The following BMPER variants were observed in gnomAD, a reference collection of about 807,000 sequenced individuals.
BMPER encodes the protein BMP-binding endothelial regulator protein.
Under a neutral mutation model 87.3 loss-of-function variants are expected in BMPER, and 45 were observed. The ratio of observed to expected loss-of-function variants is 0.52; its 90% confidence interval spans 0.41 to 0.66. The LOEUF (loss-of-function observed/expected upper bound fraction) is 0.66, where lower values mean the gene tolerates loss of function less well. Ranked by LOEUF, BMPER falls within the 30% of genes least tolerant of loss-of-function variation. The pLI, the probability that BMPER is intolerant of heterozygous loss-of-function variation, is 0.00. For missense variants in BMPER, 784 were observed against 867.5 expected (o/e 0.90, Z 1.21); for synonymous variants, 326 against 316.2 (o/e 1.03, Z -0.33).
chr7:34,027,858 TA>T (rs1787399439), intron 6 of BMPER, among the ~76,000 whole-genome samples: 1 of 152,076 alleles, frequency 6.6e-6, no homozygotes, highest in East Asian at 1.9e-4. Flanking sequence ...GAGATGCTAT[TA>T]AAAATGATTT....
chr7:33,997,006 G>A (rs9986855), intron 6 of BMPER, among the ~76,000 whole-genome samples: 136,384 of 152,140 alleles, frequency 0.9, 61,375 homozygotes, highest in African/African-American at 0.98. Flanking sequence ...ACCTATCTTG[G>A]GGGATAAGGA....
intron 13 of BMPER, among the ~76,000 whole-genome samples, chr7:34,095,298 T>G (rs149715852): frequency 6.6e-6 from 1 of 152,202 alleles, no homozygotes; most frequent in Non-Finnish European, 1.5e-5. Context: ...AAGAAATACA[T>G]GACAAATTTT....
At position 33,911,099 on chromosome 7, in the gene BMPER, G is replaced by C. The variant is rs1585626940; in HGVS notation, c.219+4196G>C. Among the ~76,000 whole-genome samples the C allele has an allele frequency of 2.6e-5, 4 of 152,304 alleles. No individual in the cohort carries two copies. The Middle Eastern group carries it at 0.014, about 518-fold the overall frequency. ...ACATAGATTGCCTTGCTTTTTCCAA[G>C]TTGTTTCAGGTCATTTCTAGACTTT... On this transcript the variant is annotated intron_variant, in intron 2 of 14. Coordinates refer to ENST00000649409, the MANE Select transcript of BMPER (RefSeq NM_001365308.1).
At chr7:34,053,507 C>G (rs1788198507) in intron 8 of BMPER, among the ~76,000 whole-genome samples, 1 of 152,122 alleles carries the variant, frequency 6.6e-6, no homozygotes, top group African/African-American at 2.4e-5. Context: ...AACTAATAGC[C>G]TACTGTTGAC....
intron 13 of BMPER, among the ~76,000 whole-genome samples, chr7:34,088,401 T>G (rs1789280832): frequency 6.6e-6 from 1 of 152,182 alleles, no homozygotes; most frequent in South Asian, 2.1e-4. Flanking sequence ...TTTCTCCCCC[T>G]TATTTCCAAG....
intron 2 of BMPER, among the ~76,000 whole-genome samples, chr7:33,920,137 A>G (rs1457968063): frequency 6.6e-6 from 1 of 152,156 alleles, no homozygotes; most frequent in African/African-American, 2.4e-5. Flanking sequence ...TGCCCGATCT[A>G]TCCCCTTCCC....
intron 2 of BMPER, among the ~76,000 whole-genome samples, chr7:33,935,596 GAGAGAGAGAGAGAGAGAAGGAGAA>G (rs1784584184): frequency 6.8e-6 from 1 of 147,082 alleles, no homozygotes; most frequent in Middle Eastern, 3.4e-3. Context: ...GAAAGAGACA[GAGAGAGAGAGAGAGAGAAGGAGAA>G]AGAGAGAGAG....
At chr7:33,906,951 A>G in intron 2 of BMPER, 48 bp downstream of exon 2, 4 of 1,481,830 alleles carry the variant, frequency 2.7e-6, no homozygotes, top group Non-Finnish European at 3.8e-6. Context: ...CTCTCTGATA[A>G]GGTGAATCCA....
rs114158699 is a variant in BMPER, at chr7:33,970,482, T to C, written c.493+63T>C. 1,637 of 1,511,340 alleles carry C rather than the reference T, an allele frequency of 1.1e-3. 13 individuals are homozygous for C. In the African/African-American group the frequency reaches 0.02, roughly 19 times the overall value. 93.6% of individuals were successfully genotyped at this position (1,511,340 alleles called of 1,614,324 possible). A position where few individuals can be genotyped will look rare whatever the true frequency, so the allele number is the denominator to read the frequency against. Reference sequence around the variant, plus strand: ...GTGTTCTTTCAGGAATGCATGAATCTCCCAACCCCTCTTGTTGGAAATTTT... The same window carrying C: ...GTGTTCTTTCAGGAATGCATGAATCCCCCAACCCCTCTTGTTGGAAATTTT... On this transcript the variant is annotated intron_variant, in intron 5 of 14. Coordinates refer to ENST00000649409, the MANE Select transcript of BMPER (RefSeq NM_001365308.1).
In BMPER at chr7:34,056,981, AC is replaced by A. The variant is rs1345008824; in HGVS notation, c.928-1077del. Among the ~76,000 whole-genome samples, 3 of 152,148 alleles carry A rather than the reference AC, an allele frequency of 2.0e-5. No individual in the cohort carries two copies. In the East Asian group the frequency reaches 5.8e-4, roughly 29 times the overall value. ...AAATGACTGAGGCTTAAAATAATTC[AC>A]GGAGACTTGGATTCCTAGAAATGTG... On this transcript the variant is annotated intron_variant, in intron 9 of 14. Coordinates refer to ENST00000649409, the MANE Select transcript of BMPER (RefSeq NM_001365308.1).
chr7:34,039,599 C>CAA (rs1787776348), intron 6 of BMPER, among the ~76,000 whole-genome samples: 1 of 117,072 alleles, frequency 8.5e-6, no homozygotes, highest in Non-Finnish European at 1.8e-5. Context: ...GTAAGACACA[C>CAA]AAATACACAC....
rs1253445177 is a variant in BMPER at position 34,156,187 on chromosome 7, G to A, written c.*2914G>A. On this transcript the variant is annotated 3_prime_UTR_variant, in exon 15 of 15. Coordinates refer to ENST00000649409, the MANE Select transcript of BMPER (RefSeq NM_001365308.1). ...TAAGAGGGCATCTTTCAATAAGAACGAGAAAGACCCAGGAGGTTGACTAGC... is the reference window on the plus strand; with the variant it reads ...TAAGAGGGCATCTTTCAATAAGAACAAGAAAGACCCAGGAGGTTGACTAGC... Among the ~76,000 whole-genome samples the A allele has an allele frequency of 1.3e-5, 2 of 152,156 alleles. No homozygotes were observed. Among genetic ancestry groups the A allele is most frequent in the African/African-American group, 4.8e-5 (2 of 41,440 alleles).
At chr7:34,026,063 G>A (rs977627873) in intron 6 of BMPER, among the ~76,000 whole-genome samples, 7 of 152,010 alleles carry the variant, frequency 4.6e-5, no homozygotes, top group African/African-American at 7.2e-5. Flanking sequence ...TGGGTTCAAC[G>A]TTAGAATAGT....
At chr7:33,926,962 G>C (rs1784375628) in intron 2 of BMPER, among the ~76,000 whole-genome samples, 1 of 152,238 alleles carries the variant, frequency 6.6e-6, no homozygotes. Flanking sequence ...TACCCAGAGG[G>C]AGGACTGCAG....
intron 13 of BMPER, among the ~76,000 whole-genome samples, chr7:34,090,963 A>G (rs10277432): frequency 6.6e-6 from 1 of 152,010 alleles, no homozygotes; most frequent in Non-Finnish European, 1.5e-5. Flanking sequence ...CATGCAGTGG[A>G]TTTTACAGCT....
intron 6 of BMPER, among the ~76,000 whole-genome samples, chr7:34,028,303 TAC>T (rs1307122255): frequency 1.3e-5 from 2 of 152,018 alleles, no homozygotes; most frequent in African/African-American, 4.8e-5. Flanking sequence ...TTTTGGAAAA[TAC>T]AGTTATTTTT....
intron 2 of BMPER, chr7:33,921,708 G>A (rs1562631307): frequency 2.1e-6 from 1 of 470,860 alleles, no homozygotes; most frequent in African/African-American, 2.0e-5. Context: ...TCTGTTTCCT[G>A]TGGTCTTTCT....
chr7:34,146,285 G>T (rs1791017186), intron 14 of BMPER, among the ~76,000 whole-genome samples: 1 of 152,122 alleles, frequency 6.6e-6, no homozygotes, highest in Non-Finnish European at 1.5e-5. Context: ...AGAGCAAAAA[G>T]TCTGGAAGTT....
At chr7:34,135,366 C>T (rs546662286) in intron 13 of BMPER, among the ~76,000 whole-genome samples, 1 of 152,194 alleles carries the variant, frequency 6.6e-6, no homozygotes, top group East Asian at 1.9e-4. Context: ...ACTGAAGAGT[C>T]CTTATGAGCA....
Sources: gnomAD v4.1 joint callset for allele counts (sites outside exome capture counted in the v4.1 genomes callset) on GRCh38, gnomAD v4.1.1 for gene constraint, MANE v1.5 for transcripts, NCBI Gene and HGNC (gene_info 2026-07-23, HGNC 2026-07-21) for gene names.